Variants in TMEM156 observed in about 807,000 individuals in gnomAD.
TMEM156 encodes the protein transmembrane protein 156.
TMEM156 carries 28 observed loss-of-function variants against 30.5 expected under a neutral mutation model. The ratio of observed to expected loss-of-function variants is 0.92; its 90% CI spans 0.68 to 1.26. TMEM156 has a LOEUF of 1.26. Ranked by LOEUF, TMEM156 falls within the 50% of genes most tolerant of loss-of-function variation. The pLI, the probability that TMEM156 is intolerant of heterozygous loss-of-function variation, is 0.00. For missense variants in TMEM156, 351 were observed against 340.6 expected (o/e 1.03, Z -0.24); for synonymous variants, 137 against 119.9 (o/e 1.14, Z -0.93).
chr4:38,977,994 C>G (rs145476687), intron 5 of TMEM156, among the ~76,000 whole-genome samples: 148 of 152,298 alleles, frequency 9.7e-4, no homozygotes, highest in Non-Finnish European at 1.5e-3. Context: ...GGTATCTAAC[C>G]TCAACTCATC....
chr4:39,008,522 G>A (rs775590349), intron 1 of TMEM156, among the ~76,000 whole-genome samples: 2 of 151,976 alleles, frequency 1.3e-5, no homozygotes, highest in Admixed American at 6.6e-5. Context: ...TTGTTTCAAA[G>A]TTCTATGTCT....
chr4:39,016,437 A>G (rs1448111508), intron 1 of TMEM156, among the ~76,000 whole-genome samples: 1 of 150,024 alleles, frequency 6.7e-6, no homozygotes. Context: ...TTCTGTATCT[A>G]TTCTTTTAAG....
chr4:39,000,009 T>C (rs973470255), intron 1 of TMEM156, among the ~76,000 whole-genome samples: 6 of 152,186 alleles, frequency 3.9e-5, no homozygotes, highest in African/African-American at 1.4e-4. Context: ...TTTAACAAGA[T>C]GACAGCCTAA....
At chr4:38,995,981 G>A (rs1712897326) in intron 2 of TMEM156, among the ~76,000 whole-genome samples, 1 of 152,108 alleles carries the variant, frequency 6.6e-6, no homozygotes, top group Admixed American at 6.6e-5. Context: ...TCAGCAGAGT[G>A]AAAAGGCAAC....
intron 5 of TMEM156, among the ~76,000 whole-genome samples, chr4:38,984,050 G>A (rs1402652626): frequency 6.6e-6 from 1 of 152,240 alleles, no homozygotes; most frequent in East Asian, 1.9e-4. Flanking sequence ...AAGATGGAAA[G>A]TAGATTAATG....
At chr4:38,995,889 G>A (rs937460644) in intron 2 of TMEM156, among the ~76,000 whole-genome samples, 6 of 152,082 alleles carry the variant, frequency 3.9e-5, no homozygotes, top group Non-Finnish European at 7.4e-5. Flanking sequence ...GAACCACTAC[G>A]TAAAAGTCCA....
chr4:38,970,885 A>G (rs564228479), intron 6 of TMEM156, 147 bp downstream of exon 6: 33 of 534,190 alleles, frequency 6.2e-5, no homozygotes, highest in Admixed American at 1.4e-4. Flanking sequence ...ATTTTATTTC[A>G]TGTCATCTAA....
chr4:38,994,472 C>T (rs1712777473), intron 2 of TMEM156, among the ~76,000 whole-genome samples: 1 of 152,006 alleles, frequency 6.6e-6, no homozygotes, highest in African/African-American at 2.4e-5. Context: ...TCATGAAAAC[C>T]AGGTTGTGGT....
chr4:38,971,936 T>C (rs903611201), intron 5 of TMEM156, among the ~76,000 whole-genome samples: 34 of 151,978 alleles, frequency 2.2e-4, no homozygotes, highest in Admixed American at 3.9e-4. Flanking sequence ...ATTACAGGCA[T>C]GCACCACCAT....
intron 1 of TMEM156, among the ~76,000 whole-genome samples, chr4:39,001,295 G>A (rs574986578): frequency 1.4e-4 from 21 of 150,852 alleles, no homozygotes; most frequent in Admixed American, 2.6e-4. Context: ...GCTGAGGCAG[G>A]AGAATGGCGT....
intron 1 of TMEM156, among the ~76,000 whole-genome samples, chr4:39,004,091 TA>T (rs1205041381): frequency 6.6e-6 from 1 of 152,236 alleles, no homozygotes; most frequent in Admixed American, 6.5e-5. Flanking sequence ...TCATTTTTGC[TA>T]TCAGGTGGAC....
chr4:39,021,476 T>A (rs1714864167), intron 1 of TMEM156, among the ~76,000 whole-genome samples: 1 of 152,064 alleles, frequency 6.6e-6, no homozygotes, highest in Non-Finnish European at 1.5e-5. Flanking sequence ...CTCTTCACTA[T>A]CCTTTGCCCA....
At chr4:38,998,247 A>C (rs1410528031) in intron 2 of TMEM156, among the ~76,000 whole-genome samples, 1 of 152,160 alleles carries the variant, frequency 6.6e-6, no homozygotes, top group African/African-American at 2.4e-5. Context: ...CACTGGATCT[A>C]AAAATGGAAT....
At chr4:38,992,765 T>A (rs1490000155) in intron 3 of TMEM156, among the ~76,000 whole-genome samples, 3 of 110,692 alleles carry the variant, frequency 2.7e-5, no homozygotes, top group East Asian at 6.4e-4. Context: ...TATATATATT[T>A]TTTTTTGTCT....
chr4:39,028,168 G>A (rs1390269254), intron 1 of TMEM156, among the ~76,000 whole-genome samples: 1 of 152,164 alleles, frequency 6.6e-6, no homozygotes, highest in African/African-American at 2.4e-5. Flanking sequence ...GATTACAGGC[G>A]TGAGCCACTG....
In TMEM156 at chr4:38,986,351, C is replaced by T. The variant is rs200553593; in HGVS notation, c.808G>A (p.Val270Met). ...CAGAACTTACCTGAAAGAACCTGCA[C>T]ATTCAATGCTCTCAGTTTCTCCGAA... ...SDSEKLRALN[V>M]QVLSAETTQR... The change falls in exon 5 of 7, where the codon GTG becomes ATG. Residue 270 changes from valine to methionine, a missense_variant. Coordinates refer to ENST00000381938, the MANE Select transcript of TMEM156 (RefSeq NM_024943.3). 142 of 1,613,572 alleles carry T rather than the reference C, an allele frequency of 8.8e-5. No homozygotes were observed. Among genetic ancestry groups the T allele is most frequent in the Non-Finnish European group, 2.3e-5 (27 of 1,179,658 alleles).
intron 3 of TMEM156, among the ~76,000 whole-genome samples, chr4:38,989,993 C>T (rs1344408302): frequency 6.6e-6 from 1 of 152,088 alleles, no homozygotes. Context: ...TGGGGTTTCA[C>T]CATGTTGGCC....
rs1713111404 is a variant in TMEM156, at chr4:38,998,739, A to C, written c.259T>G (p.Cys87Gly). Residue 87 changes from cysteine (C) to glycine (G), a missense_variant, in exon 2 of 7, where the codon TGC (cysteine) becomes GGC (glycine). By Grantham distance (159) the Cys-to-Gly change is radical (BLOSUM62 -3). Coordinates refer to ENST00000381938, the MANE Select transcript of TMEM156 (RefSeq NM_024943.3). ...TTAAATTCACCTGTGATGTCTTGGC[A>C]AGTCCTGGTGAAGTTACGAAAATTG... ...PSNFRNFTRT[C>G]QDITGEFKMC... The C allele has an allele frequency of 6.2e-7, 1 of 1,613,940 alleles. No individual in the cohort carries two copies. The highest frequency in any genetic ancestry group is 2.2e-5 in the East Asian group (1 of 44,830).
intron 1 of TMEM156, among the ~76,000 whole-genome samples, chr4:39,031,145 CA>C (rs1366544561): frequency 2.6e-4 from 40 of 152,286 alleles, no homozygotes; most frequent in African/African-American, 9.4e-4. Flanking sequence ...TGATTTTAAT[CA>C]AATTCATATA....
Sources: allele counts gnomAD v4.1 joint callset (sites outside exome capture counted in the v4.1 genomes callset), GRCh38; gene constraint gnomAD v4.1.1; transcripts MANE v1.5; gene names NCBI Gene and HGNC (gene_info 2026-07-23, HGNC 2026-07-21).